GSDME: variants seen among roughly 807,000 people sequenced by gnomAD.
GSDME encodes the protein gasdermin E, also known as gasdermin-E.
GSDME carries 44 observed loss-of-function variants against 47.5 expected under a neutral mutation model. The observed-to-expected ratio is 0.93, with a 90% CI of 0.73 to 1.19. The LOEUF is 1.19. GSDME is among the 50% of genes most tolerant of loss of function. The pLI is 0.00. For missense variants in GSDME, 663 were observed against 604.2 expected (o/e 1.10, Z -1.02); for synonymous variants, 258 against 252.8 (o/e 1.02, Z -0.20).
intron 7 of GSDME, chr7:24,707,542 CAT>C: frequency 1.7e-5 from 7 of 400,014 alleles, no homozygotes; most frequent in South Asian, 1.1e-4. Flanking sequence ...GGCCCACCAA[CAT>C]ATGTTACCTG....
chr7:24,702,937 A>T, intron 8 of GSDME, 104 bp from the exon 9 acceptor site: 1 of 920,974 alleles, frequency 1.1e-6, no homozygotes, highest in Non-Finnish European at 1.7e-6. Flanking sequence ...CTTTCCCGCC[A>T]GCCAGGCAGG....
the GSDME span, among the ~76,000 whole-genome samples, chr7:24,784,735 T>G: frequency 6.6e-6 from 1 of 151,682 alleles, no homozygotes; most frequent in African/African-American, 2.4e-5. Flanking sequence ...AATTTTTGTA[T>G]TTTTAGTAGA....
Position 24,745,358 on chromosome 7 carries a change from C to T in GSDME, c.212-604G>A, listed in dbSNP as rs908073501. ...GCATCTTGTCTACCCACCCACCAGT[C>T]TTGGAAAACAATCCCCTGGCCCTTA... On this transcript the variant is annotated intron_variant, in intron 2 of 9. Coordinates refer to ENST00000645220, the MANE Select transcript of GSDME (RefSeq NM_001127453.2). This position sits in a 1 kb window ranked among gnomAD's most constrained non-coding sequence, Gnocchi z 4.4. Among the ~76,000 whole-genome samples, 2 of 152,242 alleles carry T rather than the reference C, an allele frequency of 1.3e-5. No homozygotes were observed. The highest frequency in any genetic ancestry group is 4.8e-5 in the African/African-American group (2 of 41,542).
At chr7:24,791,789 G>T in the GSDME span, among the ~76,000 whole-genome samples, 2 of 152,164 alleles carry the variant, frequency 1.3e-5, no homozygotes, top group African/African-American at 4.8e-5. This position sits in a 1 kb window ranked among gnomAD's most constrained non-coding sequence, Gnocchi z 4.8. Flanking sequence ...GATGAACAAG[G>T]GCTGACTTAT....
rs1196738902 is a variant in GSDME at position 24,698,875 on chromosome 7, AAGTC to A, written c.*147_*150del. 12 of 702,820 alleles carry A rather than the reference AAGTC, an allele frequency of 1.7e-5. No homozygotes were observed. The highest frequency in any genetic ancestry group is 3.4e-4 in the Middle Eastern group (1 of 2,958). The allele number at this position is 702,820 out of a possible 1,614,324, so 43.5% of individuals were successfully genotyped here. ...TGTTTAAAGAGTACCTGGTGGCTAA[AAGTC>A]AGGTCATTCATCATGCAAAATGTCA... On this transcript the variant is annotated 3_prime_UTR_variant, in exon 10 of 10. Transcript: ENST00000645220.
chr7:24,785,008 C>T, the GSDME span, among the ~76,000 whole-genome samples: 4 of 152,214 alleles, frequency 2.6e-5, no homozygotes, highest in Non-Finnish European at 5.9e-5. Flanking sequence ...TTGCACCCTT[C>T]CATCCAATCA....
rs1306783900 is a variant in GSDME at position 24,726,244 on chromosome 7, C to T, written c.405-7026G>A. Among the ~76,000 whole-genome samples the T allele has an allele frequency of 6.6e-6, 1 of 152,202 alleles. No homozygotes were observed. The highest frequency in any genetic ancestry group is 1.5e-5 in the Non-Finnish European group (1 of 68,044). On this transcript the variant is annotated intron_variant, in intron 3 of 9. Transcript: ENST00000645220. This position sits in a 1 kb window ranked among gnomAD's most constrained non-coding sequence, Gnocchi z 5.6. ...ACTTTCAAGAGCCAAAATGCAAACT[C>T]ACAGAGGAGAAACCCAGAGACAACT...
At position 24,716,801 on chromosome 7, in the gene GSDME, G is replaced by A. The variant is rs1789574570; in HGVS notation, c.697+453C>T. ...GACCACTGTGCCAGGCGCTTCATAGGCCTCATCTCATTAAATCTTCACACA... is the reference window on the plus strand; with the variant it reads ...GACCACTGTGCCAGGCGCTTCATAGACCTCATCTCATTAAATCTTCACACA... On this transcript the variant is annotated intron_variant, in intron 5 of 9. Coordinates refer to ENST00000645220, the MANE Select transcript of GSDME (RefSeq NM_001127453.2). The surrounding 1 kb of genome is among the most constrained non-coding windows in gnomAD (Gnocchi z 4.5). 1 of 235,884 alleles carries A rather than the reference G, an allele frequency of 4.2e-6. No homozygotes were observed. Among genetic ancestry groups the A allele is most frequent in the Non-Finnish European group, 8.5e-6 (1 of 117,772 alleles). The allele number at this position is 235,884 out of a possible 1,614,324, so 14.6% of individuals were successfully genotyped here.
rs1789611520 is a variant in GSDME at position 24,717,454 on chromosome 7, G to T, written c.577-80C>A. On this transcript the variant is annotated intron_variant, in intron 4 of 9. Coordinates refer to ENST00000645220, the MANE Select transcript of GSDME (RefSeq NM_001127453.2). ...TGTTCCCCACTGCAGCCAGCCTCGT[G>T]CCTTATACATAAGAGATGCTGAGCA... 3 of 1,600,398 alleles carry T rather than the reference G, an allele frequency of 1.9e-6. No individual in the cohort carries two copies. In the Admixed American group the frequency reaches 5.1e-5, roughly 27 times the overall value.
At chr7:24,717,511 C>G (rs1215044357) in intron 4 of GSDME, 137 bp from the exon 5 acceptor site, 2 of 1,382,118 alleles carry the variant, frequency 1.4e-6, no homozygotes, top group Non-Finnish European at 2.0e-6. Context: ...ACAGAGGAGC[C>G]AGCCAGCATG....
the GSDME span, among the ~76,000 whole-genome samples, chr7:24,770,953 A>G: frequency 6.6e-6 from 1 of 151,844 alleles, no homozygotes. This position sits in a 1 kb window ranked among gnomAD's most constrained non-coding sequence, Gnocchi z 4.6. Flanking sequence ...GAAATATAAG[A>G]AGAGAGAGAG....
In GSDME at chr7:24,740,191, C is replaced by T. The variant is rs1790442696; in HGVS notation, c.404+4371G>A. On this transcript the variant is annotated intron_variant, in intron 3 of 9. Transcript: ENST00000645220. ...AATAAACTAGGCACAGAAAGATAAA[C>T]TTCACATGTTCTTATTTATTTCTTG... Among the ~76,000 whole-genome samples, 4 of 151,866 alleles carry T rather than the reference C, an allele frequency of 2.6e-5. No homozygotes were observed. The South Asian group carries it at 8.3e-4, about 32-fold the overall frequency.
chr7:24,744,677 C>G lies in GSDME; in HGVS notation c.289G>C (p.Gly97Arg). The G allele has an allele frequency of 1.9e-6, 3 of 1,614,184 alleles. No individual in the cohort carries two copies. Among genetic ancestry groups the G allele is most frequent in the Non-Finnish European group, 2.5e-6 (3 of 1,180,038 alleles). ...HVSGTLETAL[G>R]KVKLNLGGSS... ...CCCCCCAGGTTCAGCTTGACCTTCC[C>G]CAGTGCAGTCTCCAGGGTTCCACTC... Residue 97 changes from glycine (G) to arginine (R), a missense_variant, in exon 3 of 10, where the codon GGG (glycine) becomes CGG (arginine). By Grantham distance (125) the Gly-to-Arg change is moderately radical. Coordinates refer to ENST00000645220, the MANE Select transcript of GSDME (RefSeq NM_001127453.2). The surrounding 1 kb of genome is among the most constrained non-coding windows in gnomAD (Gnocchi z 4.5).
rs773601660 is a variant in GSDME at position 24,726,440 on chromosome 7, C to T, written c.405-7222G>A. Among the ~76,000 whole-genome samples, 1 of 152,188 alleles carries T rather than the reference C, an allele frequency of 6.6e-6. No homozygotes were observed. On this transcript the variant is annotated intron_variant, in intron 3 of 9. Coordinates refer to ENST00000645220, the MANE Select transcript of GSDME (RefSeq NM_001127453.2). This position sits in a 1 kb window ranked among gnomAD's most constrained non-coding sequence, Gnocchi z 5.6. ...CCACAAATACCTGAGTTCTGCTATG[C>T]TCCAGGCACCAGGCCAGATGCAAGT...
In GSDME at chr7:24,717,387, G is replaced by C; in HGVS notation, c.577-13C>G. The C allele has an allele frequency of 6.2e-7, 1 of 1,614,140 alleles. No homozygotes were observed. The highest frequency in any genetic ancestry group is 8.5e-7 in the Non-Finnish European group (1 of 1,180,024). On this transcript the variant is annotated splice_polypyrimidine_tract_variant and intron_variant, in intron 4 of 9. Coordinates refer to ENST00000645220, the MANE Select transcript of GSDME (RefSeq NM_001127453.2). Reference sequence around the variant, plus strand: ...CCGTCGCTGACACCTGTGGGCAAAAGCGCACACTCCCACCTGTGCACTCGG... The same window carrying C: ...CCGTCGCTGACACCTGTGGGCAAAACCGCACACTCCCACCTGTGCACTCGG...
chr7:24,734,938 G>T (rs750622193), intron 3 of GSDME, among the ~76,000 whole-genome samples: 1 of 152,178 alleles, frequency 6.6e-6, no homozygotes, highest in Non-Finnish European at 1.5e-5. Flanking sequence ...CAATACCTAA[G>T]TACCAGAAGG....
At chr7:24,788,926 T>C in the GSDME span, among the ~76,000 whole-genome samples, 3 of 152,342 alleles carry the variant, frequency 2.0e-5, no homozygotes, top group Admixed American at 6.5e-5. This position sits in a 1 kb window ranked among gnomAD's most constrained non-coding sequence, Gnocchi z 4.6. Context: ...TATGTTCATA[T>C]GCAAATTCCA....
At chr7:24,748,602 G>A (rs75181148) in intron 2 of GSDME, among the ~76,000 whole-genome samples, 2,057 of 151,976 alleles carry the variant, frequency 0.014, 50 homozygotes, top group African/African-American at 0.046. Flanking sequence ...ATTTTATACC[G>A]TACTGTAACA....
chr7:24,775,116 G>T, the GSDME span, among the ~76,000 whole-genome samples: 1 of 152,176 alleles, frequency 6.6e-6, no homozygotes, highest in Non-Finnish European at 1.5e-5. Context: ...AACAAAAACA[G>T]TTCCTTTCCC....
Sources: gnomAD v4.1 joint callset for allele counts (sites outside exome capture counted in the v4.1 genomes callset) on GRCh38, gnomAD v4.1.1 for gene constraint, Gnocchi (gnomAD v3.1) non-coding constraint, MANE v1.5 for transcripts, NCBI Gene and HGNC (gene_info 2026-07-23, HGNC 2026-07-21) for gene names.